Variants in DPYS observed in about 807,000 individuals in gnomAD.
DPYS encodes the protein dihydropyrimidine amidohydrolase.
In DPYS, 39 loss-of-function variants were observed where a neutral mutation model predicts 50.3. The observed-to-expected ratio is 0.78, with a 90% CI of 0.60 to 1.01. The LOEUF (loss-of-function observed/expected upper bound fraction) is 1.01, where lower values mean the gene tolerates loss of function less well. Among genes scored for constraint, DPYS ranks in the 50% least tolerant of loss-of-function variants. The pLI, the probability that DPYS is intolerant of heterozygous loss-of-function variation, is 0.00. For synonymous variants in DPYS, 245 were observed against 250.7 expected (o/e 0.98, Z 0.22); for missense variants, 659 against 680.9 (o/e 0.97, Z 0.36).
intron 4 of DPYS, among the ~76,000 whole-genome samples, chr8:104,429,957 A>G (rs1224909005): frequency 6.6e-6 from 1 of 152,182 alleles, no homozygotes; most frequent in Non-Finnish European, 1.5e-5. Context: ...TAACCTAGAA[A>G]AAGCTGGCTG....
chr8:104,436,706 GA>G (rs1191258319), intron 4 of DPYS, among the ~76,000 whole-genome samples: 1 of 152,064 alleles, frequency 6.6e-6, no homozygotes, highest in Non-Finnish European at 1.5e-5. Context: ...CTTAAATTAA[GA>G]AGATAAGCTG....
intron 7 of DPYS, among the ~76,000 whole-genome samples, chr8:104,399,306 A>C (rs952939368): frequency 0.21 from 8,043 of 38,644 alleles, 601 homozygotes; most frequent in Non-Finnish European, 0.31. Flanking sequence ...AAAAAAAAAA[A>C]AAAACAACAA....
At chr8:104,434,811 T>C (rs919088076) in intron 4 of DPYS, among the ~76,000 whole-genome samples, 2 of 152,120 alleles carry the variant, frequency 1.3e-5, no homozygotes, top group Admixed American at 6.5e-5. Flanking sequence ...TACGTTCAAA[T>C]GAGCATCATA....
intron 7 of DPYS, among the ~76,000 whole-genome samples, chr8:104,393,681 G>C (rs746681899): frequency 5.9e-5 from 9 of 152,164 alleles, no homozygotes; most frequent in Non-Finnish European, 1.2e-4. Context: ...TAATACGATT[G>C]ATGACTTTCA....
At position 104,424,001 on chromosome 8, in the gene DPYS, T is replaced by C. The variant is rs535383658; in HGVS notation, c.1235+246A>G. ...GCCAGGCACTGAAGTGGTAAATTCATATTGGTTTTATATACAGATCCATTG... is the reference window on the plus strand; with the variant it reads ...GCCAGGCACTGAAGTGGTAAATTCACATTGGTTTTATATACAGATCCATTG... On this transcript the variant is annotated intron_variant, in intron 7 of 9. Coordinates refer to ENST00000351513, the MANE Select transcript of DPYS (RefSeq NM_001385.3). 6 of 985,442 alleles carry C rather than the reference T, an allele frequency of 6.1e-6. No individual in the cohort carries two copies. In the South Asian group the frequency reaches 2.8e-4, roughly 46 times the overall value. 61.0% of individuals were successfully genotyped at this position (985,442 alleles called of 1,614,324 possible). A position where few individuals can be genotyped will look rare whatever the true frequency, so the allele number is the denominator to read the frequency against.
At chr8:104,382,724 CCTT>C (rs1186493299) in intron 8 of DPYS, among the ~76,000 whole-genome samples, 4 of 152,126 alleles carry the variant, frequency 2.6e-5, no homozygotes, top group Non-Finnish European at 4.4e-5. Context: ...AGATTTATGT[CCTT>C]CTTTCAGCTC....
At chr8:104,431,857 C>A (rs1478377171) in intron 4 of DPYS, among the ~76,000 whole-genome samples, 2 of 152,176 alleles carry the variant, frequency 1.3e-5, no homozygotes, top group African/African-American at 2.4e-5. Context: ...ATTATAATAT[C>A]ATATCATATG....
intron 4 of DPYS, among the ~76,000 whole-genome samples, chr8:104,430,433 T>C (rs1440053680): frequency 6.6e-6 from 1 of 151,954 alleles, no homozygotes; most frequent in Non-Finnish European, 1.5e-5. Flanking sequence ...ATCAGAATCC[T>C]ATCTCTGATT....
intron 6 of DPYS, among the ~76,000 whole-genome samples, chr8:104,426,457 A>G (rs1812723776): frequency 6.6e-6 from 1 of 152,200 alleles, no homozygotes; most frequent in East Asian, 1.9e-4. Context: ...CAAAGGTCCA[A>G]ACAAAATATG....
At chr8:104,394,725 A>G (rs1811519678) in intron 7 of DPYS, among the ~76,000 whole-genome samples, 1 of 151,364 alleles carries the variant, frequency 6.6e-6, no homozygotes, top group African/African-American at 2.4e-5. Context: ...CTGTTACCTA[A>G]GAGCCAAATA....
intron 2 of DPYS, among the ~76,000 whole-genome samples, chr8:104,448,434 G>A (rs763197239): frequency 6.6e-6 from 1 of 152,120 alleles, no homozygotes; most frequent in African/African-American, 2.4e-5. Flanking sequence ...GGAATTACAG[G>A]CATGAGCCTC....
At chr8:104,439,660 G>A (rs535653623) in intron 4 of DPYS, among the ~76,000 whole-genome samples, 3 of 152,232 alleles carry the variant, frequency 2.0e-5, no homozygotes, top group African/African-American at 4.8e-5. Flanking sequence ...TGGCTTACAT[G>A]AGTAGTCGCA....
chr8:104,425,203 C>G (rs927913223), intron 6 of DPYS, among the ~76,000 whole-genome samples: 1 of 151,622 alleles, frequency 6.6e-6, no homozygotes, highest in Non-Finnish European at 1.5e-5. Flanking sequence ...GGTGACAACA[C>G]TTTTGAATCA....
intron 8 of DPYS, among the ~76,000 whole-genome samples, chr8:104,381,891 C>CACACACAT (rs1321793205): frequency 6.6e-6 from 1 of 150,464 alleles, no homozygotes; most frequent in Non-Finnish European, 1.5e-5. Flanking sequence ...CACATACACA[C>CACACACAT]AGACAAATAA....
intron 1 of DPYS, 115 bp downstream of exon 1, chr8:104,466,542 C>CA: frequency 8.1e-7 from 1 of 1,229,484 alleles, no homozygotes; most frequent in Non-Finnish European, 1.1e-6. Flanking sequence ...CCCGCCCACC[C>CA]AGCTCCTCGG....
At chr8:104,465,952 G>C (rs1442922273) in intron 1 of DPYS, among the ~76,000 whole-genome samples, 2 of 152,076 alleles carry the variant, frequency 1.3e-5, no homozygotes, top group African/African-American at 4.8e-5. Flanking sequence ...AAGTGGGATG[G>C]AGAAAAGAGC....
At chr8:104,399,636 G>A (rs1014434727) in intron 7 of DPYS, among the ~76,000 whole-genome samples, 11 of 151,876 alleles carry the variant, frequency 7.2e-5, no homozygotes, top group Admixed American at 2.0e-4. Flanking sequence ...TTGGGAGGCC[G>A]AGGTGGGTGG....
At chr8:104,431,444 G>GTT (rs1244481504) in intron 4 of DPYS, among the ~76,000 whole-genome samples, 1 of 150,760 alleles carries the variant, frequency 6.6e-6, no homozygotes, top group Non-Finnish European at 1.5e-5. Flanking sequence ...TCTAGTATCT[G>GTT]TTAATATCCA....
In DPYS at chr8:104,447,423, G is replaced by A. The variant is rs1197945217; in HGVS notation, c.504C>T (p.Tyr168=). The A allele has an allele frequency of 6.2e-7, 1 of 1,613,804 alleles. No homozygotes were observed. Among genetic ancestry groups the A allele is most frequent in the Non-Finnish European group, 8.5e-7 (1 of 1,179,968 alleles). ...CGTACAGCTCCAGGTCTGTCACCAT[G>A]TACAGATCTTTATAGGCCATAAACA... ...FKMFMAYKDL[Y]MVTDLELYEA... is the part of the protein sequence containing the mutation. The change falls in exon 3 of 10, where the codon TAC becomes TAT. Residue 168 remains tyrosine, a synonymous_variant. Coordinates refer to ENST00000351513, the MANE Select transcript of DPYS (RefSeq NM_001385.3).
Sources: allele counts gnomAD v4.1 joint callset (sites outside exome capture counted in the v4.1 genomes callset), GRCh38; gene constraint gnomAD v4.1.1; transcripts MANE v1.5; gene names NCBI Gene and HGNC (gene_info 2026-07-23, HGNC 2026-07-21).